The following CHM variants were observed in gnomAD, a reference collection of about 807,000 sequenced individuals.
The protein encoded by CHM is rab proteins geranylgeranyltransferase component A 1.
CHM carries 10 observed loss-of-function variants against 49.0 expected under a neutral mutation model. That is an observed-to-expected ratio of 0.20 (90% CI 0.13 to 0.35). CHM has a LOEUF of 0.35. Among genes scored for constraint, CHM ranks in the 10% least tolerant of loss-of-function variants. CHM has a pLI of 1.00. For synonymous variants in CHM, 184 were observed against 167.5 expected (o/e 1.10, Z -0.76); for missense variants, 455 against 478.4 (o/e 0.95, Z 0.46).
At chrX:86,014,713 C>T (rs1407259679) in intron 2 of CHM, among the ~76,000 whole-genome samples, 2 of 111,860 alleles carry the variant, frequency 1.8e-5, no homozygotes, top group East Asian at 2.8e-4. Flanking sequence ...AGGCCAGGCA[C>T]GGTGGCTCAC....
At chrX:85,869,949 A>G (rs1923945175) in intron 14 of CHM, among the ~76,000 whole-genome samples, 1 of 112,421 alleles carries the variant, frequency 8.9e-6, no homozygotes, top group East Asian at 2.8e-4. Flanking sequence ...AACATACATC[A>G]ACACAAACAA....
intron 9 of CHM, among the ~76,000 whole-genome samples, chrX:85,902,640 A>G (rs1603245223): frequency 9.0e-6 from 1 of 111,631 alleles, no homozygotes; most frequent in African/African-American, 3.2e-5. Context: ...TAAAATACTT[A>G]AGAAAATAGA....
chrX:85,872,096 A>C (rs1350675574), intron 14 of CHM, among the ~76,000 whole-genome samples: 1 of 111,962 alleles, frequency 8.9e-6, no homozygotes, highest in East Asian at 2.8e-4. Flanking sequence ...CTAGAAAAAA[A>C]CTGCAGATGT....
At chrX:85,988,005 A>G (rs1932003790) in intron 2 of CHM, among the ~76,000 whole-genome samples, 1 of 112,062 alleles carries the variant, frequency 8.9e-6, no homozygotes, top group South Asian at 3.8e-4. Context: ...AACTCATTCT[A>G]TGAGGCCAGC....
At chrX:85,874,795 T>A (rs1368197667) in intron 13 of CHM, among the ~76,000 whole-genome samples, 3 of 111,670 alleles carry the variant, frequency 2.7e-5, no homozygotes, top group Non-Finnish European at 3.8e-5. Context: ...ACATAAGGAA[T>A]TCATATTTTA....
In CHM at chrX:85,862,512, G is replaced by T. The variant is rs1223330698; in HGVS notation, c.*2118C>A. ...GTGCATATGCCCCAGCTGGGTTTCA[G>T]GAAACATGATTTGATATAAGAAAAA... On this transcript the variant is annotated 3_prime_UTR_variant, in exon 15 of 15. Coordinates refer to ENST00000357749, the MANE Select transcript of CHM (RefSeq NM_000390.4). 1.8e-5 allele frequency: 2 copies of T among 111,937 alleles called. No homozygotes were observed. Among genetic ancestry groups the T allele is most frequent in the Non-Finnish European group, 3.8e-5 (2 of 53,136 alleles). The allele number at this position is 111,937 out of a possible 1,213,427, so 9.2% of individuals were successfully genotyped here.
At chrX:86,014,993 C>T in intron 2 of CHM, among the ~76,000 whole-genome samples, 1 of 111,559 alleles carries the variant, frequency 9.0e-6, no homozygotes, top group Non-Finnish European at 1.9e-5. Context: ...AGGGGTGGGC[C>T]TTGCATTGCT....
chrX:85,937,492 G>T (rs752274465), intron 8 of CHM, among the ~76,000 whole-genome samples: 1 of 109,085 alleles, frequency 9.2e-6, no homozygotes, highest in Admixed American at 1.0e-4. Flanking sequence ...ATCTACCTAT[G>T]AGGGTAATCT....
chrX:85,890,577 T>C (rs1341472617), intron 12 of CHM, among the ~76,000 whole-genome samples: 1 of 112,008 alleles, frequency 8.9e-6, no homozygotes, highest in Non-Finnish European at 1.9e-5. Flanking sequence ...CTTTTGCTTC[T>C]TCCTGATTTT....
At position 85,978,646 on chromosome X, in the gene CHM, A is replaced by C. The variant is rs1373612838; in HGVS notation, c.314+121T>G. 32 of 694,481 alleles carry C rather than the reference A, an allele frequency of 4.6e-5. No individual in the cohort carries two copies. In the Middle Eastern group the frequency reaches 1.3e-3, roughly 28 times the overall value. 57.2% of individuals were successfully genotyped at this position (694,481 alleles called of 1,213,427 possible). The stretch of plus-strand genomic sequence containing the variant: ...GAAAGTTCCATTTAAAAACAGGCAA[A>C]ACCAGCATATTAACGTGACTTGTAG... On this transcript the variant is annotated intron_variant, in intron 4 of 14. Transcript: ENST00000357749.
chrX:86,024,040 C>T (rs1224883987), intron 2 of CHM, among the ~76,000 whole-genome samples: 1 of 111,572 alleles, frequency 9.0e-6, no homozygotes, highest in Non-Finnish European at 1.9e-5. Flanking sequence ...ATAGTTGTGA[C>T]ACATAGCCAG....
intron 9 of CHM, among the ~76,000 whole-genome samples, chrX:85,908,925 T>C (rs1285326720): frequency 8.9e-6 from 1 of 112,007 alleles, no homozygotes; most frequent in Admixed American, 9.5e-5. Context: ...TTTAAGATAA[T>C]TTATTTCTAA....
intron 8 of CHM, among the ~76,000 whole-genome samples, chrX:85,928,916 T>A (rs1003798707): frequency 1.1e-4 from 12 of 112,070 alleles, no homozygotes; most frequent in South Asian, 3.7e-4. Flanking sequence ...TAATGCTTCA[T>A]TTTATTATGT....
intron 9 of CHM, among the ~76,000 whole-genome samples, chrX:85,910,328 G>C (rs1266631269): frequency 9.0e-6 from 1 of 111,263 alleles, no homozygotes; most frequent in Non-Finnish European, 1.9e-5. Flanking sequence ...ATATTAAAAT[G>C]TTTTATAACC....
At chrX:85,955,029 G>A (rs773018689) in intron 8 of CHM, among the ~76,000 whole-genome samples, 3 of 111,387 alleles carry the variant, frequency 2.7e-5, no homozygotes, top group South Asian at 3.8e-4. Context: ...ACTTACTTGC[G>A]GGAGCTAAAA....
chrX:85,904,515 G>A (rs1415771214), intron 9 of CHM, among the ~76,000 whole-genome samples: 1 of 111,783 alleles, frequency 8.9e-6, no homozygotes, highest in Non-Finnish European at 1.9e-5. Context: ...CAATCTCTGT[G>A]ATCTTCAGAA....
At chrX:85,959,231 C>A (rs1402366328) in intron 5 of CHM, among the ~76,000 whole-genome samples, 1 of 111,672 alleles carries the variant, frequency 9.0e-6, no homozygotes, top group African/African-American at 3.3e-5. Context: ...TGATAAGGCA[C>A]TCTGGCTTTG....
chrX:85,991,828 T>C (rs944039779), intron 2 of CHM, among the ~76,000 whole-genome samples: 6 of 111,379 alleles, frequency 5.4e-5, no homozygotes, highest in Admixed American at 9.6e-5. Context: ...GCTTAATCCA[T>C]GTTAAGTAGA....
intron 8 of CHM, among the ~76,000 whole-genome samples, chrX:85,950,744 T>C (rs1004817088): frequency 5.4e-5 from 6 of 111,877 alleles, no homozygotes; most frequent in African/African-American, 1.9e-4. Context: ...AGGTCTAAAA[T>C]GGTTGAATAA....
Sources: gnomAD v4.1 joint callset for allele counts (sites outside exome capture counted in the v4.1 genomes callset) on GRCh38, gnomAD v4.1.1 for gene constraint, MANE v1.5 for transcripts, NCBI Gene and HGNC (gene_info 2026-07-23, HGNC 2026-07-21) for gene names.